Variants in TBXAS1 observed in about 807,000 individuals in gnomAD.
The protein encoded by TBXAS1 is thromboxane A synthase 1, also known as thromboxane-A synthase.
TBXAS1 carries 48 observed loss-of-function variants against 60.7 expected under a neutral mutation model. That is an observed-to-expected ratio of 0.79 (90% confidence interval 0.63 to 1.01). The LOEUF (loss-of-function observed/expected upper bound fraction) is 1.01. Ranked by LOEUF, TBXAS1 falls within the 50% of genes least tolerant of loss-of-function variation. The pLI, the probability that TBXAS1 is intolerant of heterozygous loss-of-function variation, is 0.00. For missense variants in TBXAS1, 685 were observed against 686.3 expected (o/e 1.00, Z 0.02); for synonymous variants, 287 against 269.7 (o/e 1.06, Z -0.63).
intron 3 of TBXAS1, among the ~76,000 whole-genome samples, chr7:139,910,731 C>T (rs1198124331): frequency 6.6e-6 from 1 of 152,216 alleles, no homozygotes; most frequent in Non-Finnish European, 1.5e-5. Context: ...CAGGTTTAAT[C>T]TTTCCTCACA....
At chr7:139,931,203 GTC>G (rs1372612492) in intron 4 of TBXAS1, among the ~76,000 whole-genome samples, 1 of 152,036 alleles carries the variant, frequency 6.6e-6, no homozygotes, top group African/African-American at 2.4e-5. Context: ...TCTATCTCTT[GTC>G]TCTTTCTCTC....
intron 3 of TBXAS1, among the ~76,000 whole-genome samples, chr7:139,882,710 T>A (rs988883132): frequency 6.6e-6 from 1 of 152,232 alleles, no homozygotes; most frequent in Admixed American, 6.5e-5. Context: ...TCTCTGGCCA[T>A]GAGGCCAAAC....
intron 9 of TBXAS1, among the ~76,000 whole-genome samples, chr7:140,000,005 C>A (rs568072670): frequency 6.6e-6 from 1 of 152,100 alleles, no homozygotes. Flanking sequence ...CACACACACC[C>A]AGTGTGTGGC....
chr7:139,946,940 C>A (rs1462283457), intron 5 of TBXAS1, among the ~76,000 whole-genome samples: 1 of 152,186 alleles, frequency 6.6e-6, no homozygotes, highest in Admixed American at 6.5e-5. Context: ...AGGTCGGAAT[C>A]TTACACTCAA....
intron 1 of TBXAS1, among the ~76,000 whole-genome samples, chr7:139,846,998 T>C (rs563423347): frequency 6.6e-6 from 1 of 152,258 alleles, no homozygotes; most frequent in African/African-American, 2.4e-5. Flanking sequence ...GAGATAGTCA[T>C]TCTCTCCCTG....
At chr7:139,805,692 TTCTTTCTTTCTTTCTTTCTTTC>T (rs1326812843) in intron 4 of TBXAS1, among the ~76,000 whole-genome samples, 1 of 36,170 alleles carries the variant, frequency 2.8e-5, no homozygotes, top group Non-Finnish European at 5.0e-5. Context: ...CTTTCTTTCT[TTCTTTCTTTCTTTCTTTCTTTC>T]TCTCTCTCTC....
At chr7:139,828,729 C>A (rs930138134), upstream of TBXAS1, among the ~76,000 whole-genome samples, 3 of 152,182 alleles carry the variant, frequency 2.0e-5, no homozygotes, top group African/African-American at 7.2e-5. Context: ...GAGAAGCCCT[C>A]CAACTCACCA....
intron 1 of TBXAS1, among the ~76,000 whole-genome samples, chr7:139,861,410 CTTTTTAGAATTTTTTTTTTTT>C (rs1396074984): frequency 2.9e-5 from 4 of 140,222 alleles, no homozygotes; most frequent in African/African-American, 1.1e-4. Flanking sequence ...ATTTTTTTTT[CTTTTTAGAATTTTTTTTTTTT>C]TTTTTTGGAT....
chr7:139,948,676 G>A (rs1396568393), intron 5 of TBXAS1, among the ~76,000 whole-genome samples: 6 of 152,216 alleles, frequency 3.9e-5, no homozygotes, highest in African/African-American at 1.4e-4. Flanking sequence ...AGATCTGAGT[G>A]AGAATAGCAT....
At chr7:139,935,525 C>T (rs891904984) in intron 4 of TBXAS1, among the ~76,000 whole-genome samples, 1 of 152,122 alleles carries the variant, frequency 6.6e-6, no homozygotes, top group African/African-American at 2.4e-5. Context: ...AGGATTTAAA[C>T]ATATGAAGTT....
chr7:139,966,850 GT>G (rs1405360933), intron 9 of TBXAS1, among the ~76,000 whole-genome samples: 2 of 152,156 alleles, frequency 1.3e-5, no homozygotes, highest in East Asian at 3.9e-4. Context: ...GGAGAGGTCT[GT>G]TTTTTCCCCT....
chr7:139,902,647 G>A (rs1176506377), intron 3 of TBXAS1, among the ~76,000 whole-genome samples: 1 of 152,154 alleles, frequency 6.6e-6, no homozygotes, highest in African/African-American at 2.4e-5. Flanking sequence ...CAATTGCTGG[G>A]TCATAGCATA....
intron 4 of TBXAS1, among the ~76,000 whole-genome samples, chr7:139,922,346 C>T (rs1235952824): frequency 6.6e-6 from 1 of 152,202 alleles, no homozygotes; most frequent in East Asian, 1.9e-4. Context: ...AGGTGATCTG[C>T]CCACCTTCAC....
intron 5 of TBXAS1, among the ~76,000 whole-genome samples, chr7:139,950,081 G>C (rs1809078350): frequency 8.3e-6 from 1 of 121,048 alleles, no homozygotes; most frequent in Non-Finnish European, 1.6e-5. Flanking sequence ...GTCTCTCTCT[G>C]TCATTCCAGT....
intron 2 of TBXAS1, chr7:139,782,642 G>A (rs1044432397): frequency 6.6e-6 from 1 of 152,224 alleles, no homozygotes; most frequent in Non-Finnish European, 1.5e-5. Context: ...CACTTGGTGT[G>A]TGTTGCTCTT....
chr7:139,855,160 C>T (rs1800494547), intron 1 of TBXAS1, among the ~76,000 whole-genome samples: 1 of 152,188 alleles, frequency 6.6e-6, no homozygotes, highest in African/African-American at 2.4e-5. Flanking sequence ...CCAGATGCAA[C>T]TCCTTAACCT....
At chr7:139,988,259 G>A (rs1036974063) in intron 9 of TBXAS1, among the ~76,000 whole-genome samples, 3 of 152,242 alleles carry the variant, frequency 2.0e-5, no homozygotes, top group African/African-American at 7.2e-5. Flanking sequence ...AGGCCACCCT[G>A]AGGCCATCAC....
At chr7:139,912,412 G>A (rs1448693414) in intron 4 of TBXAS1, among the ~76,000 whole-genome samples, 1 of 152,156 alleles carries the variant, frequency 6.6e-6, no homozygotes, top group African/African-American at 2.4e-5. Flanking sequence ...ATGTTTGTGA[G>A]AACTCAGAGA....
At chr7:139,907,367 G>A (rs576748266) in intron 3 of TBXAS1, among the ~76,000 whole-genome samples, 9 of 152,234 alleles carry the variant, frequency 5.9e-5, no homozygotes, top group African/African-American at 2.2e-4. Flanking sequence ...TGGACACCTA[G>A]AATAAATACC....
Sources: gnomAD v4.1 joint callset for allele counts (sites outside exome capture counted in the v4.1 genomes callset) on GRCh38, gnomAD v4.1.1 for gene constraint, MANE v1.5 for transcripts, NCBI Gene and HGNC (gene_info 2026-07-23, HGNC 2026-07-21) for gene names.